Variants in SLC9A9 observed in about 807,000 individuals in gnomAD.
SLC9A9 encodes sodium/hydrogen exchanger 9.
A neutral mutation model predicts 77.8 loss-of-function variants in SLC9A9; 62 were observed. That is an observed-to-expected ratio of 0.80 (90% CI 0.65 to 0.98). The LOEUF is 0.98. Ranked by LOEUF, SLC9A9 falls within the 50% of genes least tolerant of loss-of-function variation. The pLI, the probability that SLC9A9 is intolerant of heterozygous loss-of-function variation, is 0.00. For missense variants in SLC9A9, 775 were observed against 774.9 expected, an observed-to-expected ratio of 1.00 and a Z score of 0.00; for synonymous variants, 320 against 283.5, an observed-to-expected ratio of 1.13 and a Z score of -1.29.
intron 1 of SLC9A9, among the ~76,000 whole-genome samples, chr3:143,841,917 C>G (rs2009716746): frequency 1.3e-5 from 2 of 152,110 alleles, no homozygotes; most frequent in South Asian, 4.1e-4. Flanking sequence ...CTATACCTGG[C>G]TAATTTTTGT....
chr3:143,458,928 G>C (rs2108562559), intron 12 of SLC9A9, among the ~76,000 whole-genome samples: 1 of 152,128 alleles, frequency 6.6e-6, no homozygotes, highest in East Asian at 1.9e-4. Context: ...TTAAAGAGCA[G>C]ATCTGCTGGT....
In SLC9A9 at chr3:143,305,410, A is replaced by G. The variant is rs146020425; in HGVS notation, c.1605-36430T>C. On this transcript the variant is annotated intron_variant, in intron 14 of 15. Transcript: ENST00000316549. ...AGATGATACCGTTTCATAGCTGAGGAACAGGCACAGAGAAGGAAATGTCCC... is the reference window on the plus strand; with the variant it reads ...AGATGATACCGTTTCATAGCTGAGGGACAGGCACAGAGAAGGAAATGTCCC... 6.3e-3 allele frequency among the ~76,000 whole-genome samples: 962 copies of G among 152,342 alleles called. 11 individuals carry two copies. The highest frequency in any genetic ancestry group is 0.022 in the African/African-American group (927 of 41,582).
At chr3:143,455,835 T>C (rs1203300329) in intron 12 of SLC9A9, among the ~76,000 whole-genome samples, 3 of 151,638 alleles carry the variant, frequency 2.0e-5, no homozygotes, top group African/African-American at 4.8e-5. Context: ...ATATAAACAA[T>C]TATAAAGGCT....
At chr3:143,622,410 T>G (rs547650516) in intron 6 of SLC9A9, among the ~76,000 whole-genome samples, 3 of 152,156 alleles carry the variant, frequency 2.0e-5, no homozygotes, top group Non-Finnish European at 4.4e-5. Flanking sequence ...GACTAACAGC[T>G]GATCTCTCGG....
At chr3:143,607,983 T>C (rs138925781) in intron 6 of SLC9A9, among the ~76,000 whole-genome samples, 1 of 151,982 alleles carries the variant, frequency 6.6e-6, no homozygotes, top group Admixed American at 6.6e-5. Flanking sequence ...TTTGGAATAC[T>C]GAAAAAATGA....
chr3:143,622,975 T>C (rs1160687352), intron 6 of SLC9A9, among the ~76,000 whole-genome samples: 7 of 152,134 alleles, frequency 4.6e-5, no homozygotes, highest in Admixed American at 2.6e-4. Flanking sequence ...TAGTCTCTGA[T>C]AAAACAGACT....
rs779254668 is a variant in SLC9A9, at chr3:143,266,849, T to A, written c.1791A>T (p.Ser597=). 29 of 1,614,024 alleles carry A rather than the reference T, an allele frequency of 1.8e-5. No individual in the cohort carries two copies. Among genetic ancestry groups the A allele is most frequent in the Non-Finnish European group, 2.4e-5 (28 of 1,180,024 alleles). Residue 597 remains serine, a synonymous_variant, in exon 16 of 16, where the codon TCA becomes TCT. Transcript: ENST00000316549. ...LAINYQEQAS[S]PCSPPARLGL... is the part of the protein sequence containing the mutation. ...CTAGCCTTGCAGGAGGACTGCAGGG[T>A]GAGGAGGCTTGCTCCTGGTAATTTA...
chr3:143,839,895 T>C (rs530884256), intron 1 of SLC9A9, among the ~76,000 whole-genome samples: 4 of 152,250 alleles, frequency 2.6e-5, no homozygotes, highest in African/African-American at 9.6e-5. Flanking sequence ...CATTACAAAG[T>C]GTTATAGACG....
intron 12 of SLC9A9, among the ~76,000 whole-genome samples, chr3:143,403,746 T>C (rs1248741667): frequency 6.6e-6 from 1 of 152,222 alleles, no homozygotes; most frequent in African/African-American, 2.4e-5. Flanking sequence ...CTTCTCTTAT[T>C]GCACCCAAGA....
intron 13 of SLC9A9, among the ~76,000 whole-genome samples, chr3:143,368,618 A>G (rs563227198): frequency 6.6e-6 from 1 of 152,354 alleles, no homozygotes; most frequent in East Asian, 1.9e-4. Flanking sequence ...TAACAAAGAC[A>G]AATAATTATC....
chr3:143,322,245 G>C (rs1559867190), intron 14 of SLC9A9, among the ~76,000 whole-genome samples: 1 of 152,192 alleles, frequency 6.6e-6, no homozygotes, highest in African/African-American at 2.4e-5. Flanking sequence ...TAAATCAGTA[G>C]ACTGAGCAAA....
At chr3:143,520,763 C>T (rs557821355) in intron 9 of SLC9A9, among the ~76,000 whole-genome samples, 2 of 152,126 alleles carry the variant, frequency 1.3e-5, no homozygotes, top group African/African-American at 2.4e-5. Flanking sequence ...GTGCTCTTAA[C>T]CTTGTACTGT....
At chr3:143,822,244 G>T (rs2009184690) in intron 2 of SLC9A9, among the ~76,000 whole-genome samples, 2 of 152,134 alleles carry the variant, frequency 1.3e-5, no homozygotes, top group Admixed American at 1.3e-4. Context: ...CTACTGAAAG[G>T]TGTCAATCTC....
At chr3:143,675,960 A>G (rs1030885948) in intron 5 of SLC9A9, among the ~76,000 whole-genome samples, 1 of 151,990 alleles carries the variant, frequency 6.6e-6, no homozygotes, top group Non-Finnish European at 1.5e-5. Context: ...GAGGTCCTCA[A>G]TGTTTTTGGC....
chr3:143,333,433 G>A (rs2108456649), intron 14 of SLC9A9, among the ~76,000 whole-genome samples: 1 of 152,232 alleles, frequency 6.6e-6, no homozygotes, highest in South Asian at 2.1e-4. Flanking sequence ...TAAACACTAG[G>A]TTCTTACTTT....
At chr3:143,369,801 C>T (rs2033003148) in intron 13 of SLC9A9, among the ~76,000 whole-genome samples, 1 of 152,036 alleles carries the variant, frequency 6.6e-6, no homozygotes, top group Admixed American at 6.6e-5. Flanking sequence ...CATAAAAAGG[C>T]ATTGTGGCTT....
At chr3:143,810,589 T>C (rs1413976794) in intron 2 of SLC9A9, among the ~76,000 whole-genome samples, 1 of 152,228 alleles carries the variant, frequency 6.6e-6, no homozygotes, top group Non-Finnish European at 1.5e-5. Context: ...ATTGGATATA[T>C]ATGCATGGGC....
intron 2 of SLC9A9, among the ~76,000 whole-genome samples, chr3:143,801,843 G>T (rs2008568885): frequency 6.6e-6 from 1 of 152,128 alleles, no homozygotes; most frequent in African/African-American, 2.4e-5. Context: ...CTCTAAATAT[G>T]CCTTCCACAT....
intron 6 of SLC9A9, among the ~76,000 whole-genome samples, chr3:143,632,651 A>G (rs13084941): frequency 0.13 from 20,039 of 152,218 alleles, 1,647 homozygotes; most frequent in Non-Finnish European, 0.18. Context: ...TACCTCTTGA[A>G]TAGTATTACA....
Sources: gnomAD v4.1 joint callset for allele counts (sites outside exome capture counted in the v4.1 genomes callset) on GRCh38, gnomAD v4.1.1 for gene constraint, MANE v1.5 for transcripts, NCBI Gene and HGNC (gene_info 2026-07-23, HGNC 2026-07-21) for gene names.